TYK2: variants seen among roughly 807,000 people sequenced by gnomAD.
The protein encoded by TYK2 is non-receptor tyrosine-protein kinase TYK2.
TYK2 carries 65 observed loss-of-function variants against 130.9 expected under a neutral mutation model. The ratio of observed to expected loss-of-function variants is 0.50; its 90% CI spans 0.41 to 0.61. The LOEUF (loss-of-function observed/expected upper bound fraction) is 0.61, where lower values mean the gene tolerates loss of function less well. Among genes scored for constraint, TYK2 ranks in the 20% least tolerant of loss-of-function variants. The probability of loss-of-function intolerance (pLI) is 0.00; values close to 1 mark genes in which losing one functional copy is unlikely to be tolerated. For synonymous variants in TYK2, 647 were observed against 658.9 expected, an observed-to-expected ratio of 0.98 and a Z score of 0.28; for missense variants, 1,378 against 1,610.7, an observed-to-expected ratio of 0.86 and a Z score of 2.47.
intron 15 of TYK2, among the ~76,000 whole-genome samples, chr19:10,358,662 G>T (rs534524449): frequency 6.6e-6 from 1 of 152,138 alleles, no homozygotes; most frequent in East Asian, 2.0e-4. Flanking sequence ...TGCCATACTG[G>T]CCAGGCTGGT....
chr19:10,362,696 G>T, intron 9 of TYK2, 39 bp from the exon 10 acceptor site: 3 of 1,508,808 alleles, frequency 2.0e-6, no homozygotes, highest in Non-Finnish European at 2.7e-6. Context: ...GCCACCTGGG[G>T]CCACTCTGGA....
chr19:10,356,526 C>T (rs925203832), intron 18 of TYK2, 42 bp downstream of exon 18: 4 of 1,609,598 alleles, frequency 2.5e-6, no homozygotes, highest in Non-Finnish European at 3.4e-6. Flanking sequence ...ATCCCAGCCC[C>T]GTCCCACTTC....
Position 10,352,949 on chromosome 19 carries a change from C to A in TYK2, c.3177G>T (p.Glu1059Asp). 1 of 1,608,068 alleles carries A rather than the reference C, an allele frequency of 6.2e-7. No homozygotes were observed. The highest frequency in any genetic ancestry group is 8.5e-7 in the Non-Finnish European group (1 of 1,177,346). The change falls in exon 22 of 25, where the codon GAG becomes GAT. Residue 1059 changes from glutamate to aspartate, a missense_variant. By Grantham distance (45) the Glu-to-Asp change is conservative. Coordinates refer to ENST00000525621, the MANE Select transcript of TYK2 (RefSeq NM_003331.5). ...ACCAGAACACGGGGCTGTCCCCATC[C>A]TCGCGCACGCGGTAGTACTCGTGGC... The part of the protein sequence containing the change: ...PEGHEYYRVR[E>D]DGDSPVFWYA...
rs779277272 is a variant in TYK2 at position 10,365,019 on chromosome 19, G to A, written c.1041C>T (p.Pro347=). Residue 347 remains proline, a synonymous_variant, in exon 8 of 25, where the codon CCC becomes CCT. Transcript: ENST00000525621. ...CCTTCTTCCCAAACAGGCTGGCTTGGGGGTTCCTGCCACTGCTGCCACTAG... is the reference window on the plus strand; with the variant it reads ...CCTTCTTCCCAAACAGGCTGGCTTGAGGGTTCCTGCCACTGCTGCCACTAG... The part of the protein sequence containing the change: ...EGSSGSSGRN[P]QASLFGKKAK... 5.0e-6 allele frequency: 8 copies of A among 1,609,794 alleles called. No individual in the cohort carries two copies. The highest frequency in any genetic ancestry group is 4.4e-5 in the South Asian group (4 of 90,858).
At position 10,357,782 on chromosome 19, in the gene TYK2, C is replaced by G. The variant is rs200110018; in HGVS notation, c.2448G>C (p.Gln816His). Residue 816 changes from glutamine (Q) to histidine (H), a missense_variant, in exon 17 of 25, where the codon CAG (glutamine) becomes CAC (histidine). Transcript: ENST00000525621. ...EICFDGEAPL[Q>H]SRSPSEKEHF... ...GACATACCTCGGAGGGACTGCGGCT[C>G]TGCAGAGGGGCCTCTCCGTCAAAGC... 9.9e-6 allele frequency: 16 copies of G among 1,612,336 alleles called. No individual in the cohort carries two copies. The Admixed American group carries it at 2.7e-4, about 27-fold the overall frequency.
chr19:10,358,612 T>C (rs1021614568), intron 15 of TYK2, among the ~76,000 whole-genome samples: 4 of 152,032 alleles, frequency 2.6e-5, no homozygotes, highest in African/African-American at 7.2e-5. Flanking sequence ...AGTTACCACA[T>C]TGGCTAATTT....
chr19:10,353,739 G>A lies in TYK2; in HGVS notation c.2909-93C>T, dbSNP rs2040934462. On this transcript the variant is annotated intron_variant, in intron 20 of 24. Transcript: ENST00000525621. The surrounding 1 kb of genome is among the most constrained non-coding windows in gnomAD (Gnocchi z 6.9). Reference sequence around the variant, plus strand: ...CCCAGCAGAGCCCCTCCAAGGTCGGGAGGGAAGGCCAAGACCCGCGCACAC... The same window carrying A: ...CCCAGCAGAGCCCCTCCAAGGTCGGAAGGGAAGGCCAAGACCCGCGCACAC... The A allele has an allele frequency of 1.1e-5, 11 of 1,000,124 alleles. No individual in the cohort carries two copies. The highest frequency in any genetic ancestry group is 1.6e-5 in the Non-Finnish European group (11 of 696,528). 62.0% of individuals were successfully genotyped at this position (1,000,124 alleles called of 1,614,324 possible).
At chr19:10,355,644 AAAAAAAAAAAGAAAGAAAG>A (rs2041058847) in intron 18 of TYK2, among the ~76,000 whole-genome samples, 1 of 149,908 alleles carries the variant, frequency 6.7e-6, no homozygotes, top group Non-Finnish European at 1.5e-5. Context: ...CCATCTCAAA[AAAAAAAAAAAGAAAGAAAG>A]AAAAAAAAAA....
intron 3 of TYK2, among the ~76,000 whole-genome samples, chr19:10,372,608 G>C (rs969041440): frequency 2.7e-5 from 4 of 147,142 alleles, no homozygotes; most frequent in Non-Finnish European, 4.5e-5. Context: ...TCAGCCTCCT[G>C]AGTAGCTGGG....
At chr19:10,357,260 GTGCC>G in intron 17 of TYK2, 1 of 543,686 alleles carries the variant, frequency 1.8e-6, no homozygotes. Flanking sequence ...GTGGTGGCAT[GTGCC>G]TGTAATCCCC....
At position 10,366,553 on chromosome 19, in the gene TYK2, C is replaced by T. The variant is rs370420133; in HGVS notation, c.493G>A (p.Ala165Thr). Residue 165 changes from alanine (A) to threonine (T), a missense_variant, in exon 6 of 25, where the codon GCA becomes ACA. Coordinates refer to ENST00000525621, the MANE Select transcript of TYK2 (RefSeq NM_003331.5). The stretch of plus-strand genomic sequence containing the variant: ...TCGGTCGACAGCTCCCACAGTGATG[C>T]CACGTCATTCACAAACTCATGCTTG... The part of the protein sequence containing the change: ...QGKHEFVNDV[A>T]SLWELSTEEE... 85 of 1,613,838 alleles carry T rather than the reference C, an allele frequency of 5.3e-5. No individual in the cohort carries two copies. The highest frequency in any genetic ancestry group is 1.3e-4 in the Admixed American group (8 of 59,956).
In TYK2 at chr19:10,353,889, C is replaced by T; in HGVS notation, c.2908+153G>A. On this transcript the variant is annotated intron_variant, in intron 20 of 24. Transcript: ENST00000525621. This position sits in a 1 kb window ranked among gnomAD's most constrained non-coding sequence, Gnocchi z 6.9. ...CCCCCCAGATGGGAAGGAGGCAGCC[C>T]AGCCACGCTCACCCAGATGCCAAGA... 1 of 874,622 alleles carries T rather than the reference C, an allele frequency of 1.1e-6. No individual in the cohort carries two copies. The highest frequency in any genetic ancestry group is 1.6e-5 in the South Asian group (1 of 64,382). The allele number at this position is 874,622 out of a possible 1,614,324, so 54.2% of individuals were successfully genotyped here.
In TYK2 at chr19:10,350,738, A is replaced by C; in HGVS notation, c.*96T>G. ...GGCACACGGTGTGGGTGAGGCTGAC[A>C]TCCCCCTCTTGGTTTCATCCTGGAG... On this transcript the variant is annotated 3_prime_UTR_variant, in exon 25 of 25. Transcript: ENST00000525621. 7 of 1,468,774 alleles carry C rather than the reference A, an allele frequency of 4.8e-6. No individual in the cohort carries two copies. The highest frequency in any genetic ancestry group is 6.6e-6 in the Non-Finnish European group (7 of 1,066,678). The allele number at this position is 1,468,774 out of a possible 1,614,324, so 91.0% of individuals were successfully genotyped here.
chr19:10,379,425 G>A (rs1301626419), intron 2 of TYK2, among the ~76,000 whole-genome samples, 190 bp downstream of exon 2: 1 of 150,670 alleles, frequency 6.6e-6, no homozygotes, highest in Admixed American at 6.6e-5. Context: ...CACTTTGGGA[G>A]GCCAAGGCGG....
intron 15 of TYK2, 145 bp from the exon 16 acceptor site, chr19:10,358,283 A>AT (rs999052520): frequency 2.8e-5 from 8 of 288,496 alleles, no homozygotes; most frequent in East Asian, 1.3e-4. Flanking sequence ...TTGGGGGGTT[A>AT]TTTTTTTCTT....
rs545485753 is a variant in TYK2 at position 10,358,256 on chromosome 19, T to A, written c.2176-118A>T. The A allele has an allele frequency of 2.8e-6, 3 of 1,068,806 alleles. No homozygotes were observed. The South Asian group carries it at 5.3e-5, about 19-fold the overall frequency. 66.2% of individuals were successfully genotyped at this position (1,068,806 alleles called of 1,614,324 possible). ...GGACAACTGTGACTATCACTGGGTT[T>A]CTTTCTGTTTTGTTTTTTGGGGGGT... On this transcript the variant is annotated intron_variant, in intron 15 of 24. Coordinates refer to ENST00000525621, the MANE Select transcript of TYK2 (RefSeq NM_003331.5).
chr19:10,352,008 G>A (rs933231046), intron 23 of TYK2, among the ~76,000 whole-genome samples: 4 of 151,628 alleles, frequency 2.6e-5, no homozygotes, highest in Non-Finnish European at 5.9e-5. Context: ...AAAGTGCTGC[G>A]ATTACAGGTG....
At position 10,378,391 on chromosome 19, in the gene TYK2, A is replaced by C. The variant is rs533026972; in HGVS notation, c.16T>G (p.Trp6Gly). MPLRH[W>G]GMARGSKPVG... ...GGCTTACTGCCCCTGGCCATCCCCCAGTGGCGCAGAGGCATGCTCCCGGCA... is the reference window on the plus strand; with the variant it reads ...GGCTTACTGCCCCTGGCCATCCCCCCGTGGCGCAGAGGCATGCTCCCGGCA... The change falls in exon 3 of 25, where the codon TGG becomes GGG. Residue 6 changes from tryptophan to glycine, a missense_variant. Coordinates refer to ENST00000525621, the MANE Select transcript of TYK2 (RefSeq NM_003331.5). 2.1e-5 allele frequency: 34 copies of C among 1,611,030 alleles called. No individual in the cohort carries two copies. Among genetic ancestry groups the C allele is most frequent in the Non-Finnish European group, 2.9e-5 (34 of 1,179,864 alleles).
Position 10,353,301 on chromosome 19 carries a change from T to G in TYK2, c.3028-203A>C, listed in dbSNP as rs1440495609. ...AGGGACGGGGCTAGACGAGCAAAGC[T>G]GGGCAGGAGGGCGAGTTGGGAGGGG... is the stretch of plus-strand genomic sequence containing the variant. On this transcript the variant is annotated intron_variant, in intron 21 of 24. Coordinates refer to ENST00000525621, the MANE Select transcript of TYK2 (RefSeq NM_003331.5). This position sits in a 1 kb window ranked among gnomAD's most constrained non-coding sequence, Gnocchi z 6.9. 1 of 571,454 alleles carries G rather than the reference T, an allele frequency of 1.7e-6. No individual in the cohort carries two copies. Among genetic ancestry groups the G allele is most frequent in the Non-Finnish European group, 3.0e-6 (1 of 336,916 alleles). 35.4% of individuals were successfully genotyped at this position (571,454 alleles called of 1,614,324 possible). A position where few individuals can be genotyped will look rare whatever the true frequency, so the allele number is the denominator to read the frequency against.
Sources: gnomAD v4.1 joint callset for allele counts (sites outside exome capture counted in the v4.1 genomes callset) on GRCh38, gnomAD v4.1.1 for gene constraint, Gnocchi (gnomAD v3.1) non-coding constraint, MANE v1.5 for transcripts, NCBI Gene and HGNC (gene_info 2026-07-23, HGNC 2026-07-21) for gene names.